XKR9: variants seen among roughly 807,000 people sequenced by gnomAD.
XKR9 encodes XK-related protein 9.
A neutral mutation model predicts 32.0 loss-of-function variants in XKR9; 32 were observed. The ratio of observed to expected loss-of-function variants is 1.00; its 90% CI spans 0.76 to 1.34. The LOEUF (loss-of-function observed/expected upper bound fraction) is 1.34. XKR9 is among the 40% of genes most tolerant of loss of function. The pLI is 0.00. For synonymous variants in XKR9, 168 were observed against 143.4 expected, an observed-to-expected ratio of 1.17 and a Z score of -1.22; for missense variants, 546 against 429.7, an observed-to-expected ratio of 1.27 and a Z score of -2.39.
At chr8:70,764,751 C>T (rs1010470090) in intron 2 of XKR9, among the ~76,000 whole-genome samples, 1 of 152,086 alleles carries the variant, frequency 6.6e-6, no homozygotes, top group Non-Finnish European at 1.5e-5. Context: ...TGCCTCCCAC[C>T]CCCTGACAGG....
At chr8:71,014,551 A>C in the XKR9 span, among the ~76,000 whole-genome samples, 1 of 152,090 alleles carries the variant, frequency 6.6e-6, no homozygotes, top group Non-Finnish European at 1.5e-5. Flanking sequence ...TTATAAGAAC[A>C]CCTGCCATTG....
chr8:70,822,122 G>T, the XKR9 span, among the ~76,000 whole-genome samples: 1 of 152,116 alleles, frequency 6.6e-6, no homozygotes. Flanking sequence ...GGCTATAGAT[G>T]CATTAAGTTA....
chr8:70,687,312 C>CTCTCTCTTTCTTTCTTTCTTTCTT (rs1554544428), intron 3 of XKR9, among the ~76,000 whole-genome samples: 1 of 138,252 alleles, frequency 7.2e-6, no homozygotes, highest in Admixed American at 7.7e-5. Context: ...TCTCTCCTCC[C>CTCTCTCTTTCTTTCTTTCTTTCTT]TCTTTCTTTC....
chr8:70,700,833 T>A (rs530890363), intron 3 of XKR9, among the ~76,000 whole-genome samples: 2 of 152,342 alleles, frequency 1.3e-5, no homozygotes, highest in East Asian at 3.9e-4. Flanking sequence ...TGTGCTGGGC[T>A]CCACGCAGTT....
the XKR9 span, among the ~76,000 whole-genome samples, chr8:70,798,151 A>T: frequency 6.6e-6 from 1 of 152,098 alleles, no homozygotes; most frequent in East Asian, 1.9e-4. Flanking sequence ...CAATGGCTGA[A>T]CTGTTTACAT....
At chr8:70,778,454 T>G (rs1394494019) in intron 2 of XKR9, among the ~76,000 whole-genome samples, 1 of 152,232 alleles carries the variant, frequency 6.6e-6, no homozygotes, top group Non-Finnish European at 1.5e-5. Context: ...CCATATGGAC[T>G]TTGAAATAGT....
the XKR9 span, among the ~76,000 whole-genome samples, chr8:70,865,467 C>CAA: frequency 3.5e-4 from 52 of 146,628 alleles, no homozygotes; most frequent in African/African-American, 6.0e-4. Flanking sequence ...CTCACTTTCT[C>CAA]AAAAAAAAAA....
At chr8:70,955,980 G>A in the XKR9 span, among the ~76,000 whole-genome samples, 10 of 152,358 alleles carry the variant, frequency 6.6e-5, no homozygotes, top group East Asian at 1.7e-3. Context: ...TGAGATGCCA[G>A]GAAATGCAGA....
chr8:70,740,390 T>C (rs1490002948), downstream of XKR9, among the ~76,000 whole-genome samples: 1 of 151,860 alleles, frequency 6.6e-6, no homozygotes, highest in East Asian at 1.9e-4. Context: ...TCAAAGTTTT[T>C]AACTTCTTTG....
At chr8:70,980,101 G>A in the XKR9 span, among the ~76,000 whole-genome samples, 1 of 152,232 alleles carries the variant, frequency 6.6e-6, no homozygotes, top group Admixed American at 6.5e-5. Flanking sequence ...TGTGCCATTT[G>A]CTAAGACCAT....
the XKR9 span, among the ~76,000 whole-genome samples, chr8:70,935,196 C>CATATATACACATATGT: frequency 5.7e-5 from 3 of 52,888 alleles, no homozygotes; most frequent in South Asian, 9.3e-4. Context: ...TATATATATA[C>CATATATACACATATGT]ATATACATAT....
chr8:70,990,093 C>T, the XKR9 span, among the ~76,000 whole-genome samples: 1 of 152,136 alleles, frequency 6.6e-6, no homozygotes, highest in Non-Finnish European at 1.5e-5. Flanking sequence ...TGGGTAGCCT[C>T]CCACAGTCTT....
At chr8:70,890,727 CATCT>C in the XKR9 span, among the ~76,000 whole-genome samples, 2 of 151,864 alleles carry the variant, frequency 1.3e-5, no homozygotes, top group African/African-American at 4.8e-5. Context: ...GAGGATTTTG[CATCT>C]ATCATCAGGG....
intron 2 of XKR9, among the ~76,000 whole-genome samples, chr8:70,784,991 T>A (rs1807664006): frequency 6.6e-6 from 1 of 152,094 alleles, no homozygotes; most frequent in South Asian, 2.1e-4. Context: ...TCTGTTAATG[T>A]GATGTATCAC....
At chr8:70,817,660 T>C in the XKR9 span, among the ~76,000 whole-genome samples, 1 of 152,128 alleles carries the variant, frequency 6.6e-6, no homozygotes, top group Non-Finnish European at 1.5e-5. Context: ...AAAGCCCCAG[T>C]AGCCAAAACA....
intron 4 of XKR9, among the ~76,000 whole-genome samples, chr8:70,723,306 G>A (rs1005600550): frequency 1.2e-4 from 18 of 152,150 alleles, no homozygotes; most frequent in South Asian, 2.1e-4. Context: ...CTGTCAATTC[G>A]TCAAACTCAT....
At chr8:70,903,274 CTT>C in the XKR9 span, among the ~76,000 whole-genome samples, 1 of 151,926 alleles carries the variant, frequency 6.6e-6, no homozygotes, top group Non-Finnish European at 1.5e-5. Flanking sequence ...TGATCCTGGA[CTT>C]TTTTTGGTTG....
the XKR9 span, among the ~76,000 whole-genome samples, chr8:70,978,513 C>A: frequency 6.6e-6 from 1 of 152,186 alleles, no homozygotes; most frequent in South Asian, 2.1e-4. Flanking sequence ...TGGCAGGATA[C>A]GAAATTCTGG....
the XKR9 span, among the ~76,000 whole-genome samples, chr8:70,818,601 T>C: frequency 6.6e-6 from 1 of 152,218 alleles, no homozygotes; most frequent in African/African-American, 2.4e-5. Flanking sequence ...GATAAATCTA[T>C]GAAATCTGGG....
Sources: gnomAD v4.1 joint callset for allele counts (sites outside exome capture counted in the v4.1 genomes callset) on GRCh38, gnomAD v4.1.1 for gene constraint, MANE v1.5 for transcripts, NCBI Gene and HGNC (gene_info 2026-07-23, HGNC 2026-07-21) for gene names.